TRIOBP: variants seen among roughly 807,000 people sequenced by gnomAD.
TRIOBP encodes the protein TRIO and F-actin-binding protein.
In TRIOBP, 169 loss-of-function variants were observed where a neutral mutation model predicts 238.8. The ratio of observed to expected loss-of-function variants is 0.71; its 90% CI spans 0.62 to 0.80. TRIOBP has a LOEUF of 0.80. TRIOBP is among the 30% of genes least tolerant of loss of function. The pLI, the probability that TRIOBP is intolerant of heterozygous loss-of-function variation, is 0.00. For synonymous variants in TRIOBP, 1,150 were observed against 1,274.4 expected (o/e 0.90, Z 2.08); for missense variants, 2,838 against 3,122.6 (o/e 0.91, Z 2.17).
Position 37,725,785 on chromosome 22 carries a change from C to A in TRIOBP, c.3229C>A (p.Pro1077Thr). Residue 1077 changes from proline (P) to threonine (T), a missense_variant, in exon 7 of 24, where the codon CCC becomes ACC. By Grantham distance (38) the Pro-to-Thr change is conservative (BLOSUM62 -1). Transcript: ENST00000644935. ...HRDAPRASSPPRHTQFDPFPF... is the reference protein window; with the variant it reads ...HRDAPRASSPTRHTQFDPFPF... ...AGATGCCCCCCGGGCGTCCTCGCCC[C>A]CCCGCCACACCCAATTTGACCCCTT... is the stretch of plus-strand genomic sequence containing the variant. 6.2e-7 allele frequency: 1 copy of A among 1,608,066 alleles called. No individual in the cohort carries two copies. Among genetic ancestry groups the A allele is most frequent in the South Asian group, 1.1e-5 (1 of 90,812 alleles).
In TRIOBP at chr22:37,753,278, G is replaced by GC. The variant is rs1007629762; in HGVS notation, c.5379+1450_5379+1451insC. Among the ~76,000 whole-genome samples, 45 of 147,318 alleles carry GC rather than the reference G, an allele frequency of 3.1e-4. No homozygotes were observed. The East Asian group carries it at 6.5e-3, about 21-fold the overall frequency. On this transcript the variant is annotated intron_variant, in intron 12 of 23. Coordinates refer to ENST00000644935, the MANE Select transcript of TRIOBP (RefSeq NM_001039141.3). ...ACTTCTTTTTTTGTTTTTTATTTTT[G>GC]TTTTTTTTTTTCTGAGGCAGAGTTT...
Position 37,734,876 on chromosome 22 carries a change from A to C in TRIOBP, c.4540A>C (p.Ser1514Arg). The C allele has an allele frequency of 6.2e-7, 1 of 1,613,062 alleles. No individual in the cohort carries two copies. Among genetic ancestry groups the C allele is most frequent in the Non-Finnish European group, 8.5e-7 (1 of 1,179,982 alleles). Residue 1514 changes from serine to arginine, a missense_variant, in exon 9 of 24, where the codon AGC becomes CGC. Physicochemically the swap from Ser to Arg is moderately radical, Grantham distance 110. Transcript: ENST00000644935. ...RELGKRSPLT[S>R]PPENWGGPAE... is the part of the protein sequence containing the mutation. ...ACTAGGAAAGAGAAGCCCACTCACG[A>C]GCCCCCCTGAGAACTGGGGAGGCCC...
intron 6 of TRIOBP, among the ~76,000 whole-genome samples, chr22:37,721,715 G>A (rs1053750900): frequency 3.3e-5 from 5 of 151,948 alleles, no homozygotes; most frequent in Admixed American, 2.0e-4. Context: ...TCCTGAGCTC[G>A]AGTGATCCTC....
At chr22:37,768,008 G>C in intron 18 of TRIOBP, 66 bp from the exon 19 acceptor site, 1 of 1,274,518 alleles carries the variant, frequency 7.8e-7, no homozygotes. Context: ...GCGTCTCAGA[G>C]CTGGTGGCAC....
chr22:37,767,715 G>A (rs76574030), intron 18 of TRIOBP, among the ~76,000 whole-genome samples: 3 of 152,106 alleles, frequency 2.0e-5, no homozygotes, highest in Admixed American at 1.3e-4. Context: ...CTGCAGGGGG[G>A]GTGTACTAGG....
At chr22:37,744,594 G>A (rs1338699102) in intron 11 of TRIOBP, among the ~76,000 whole-genome samples, 1 of 152,160 alleles carries the variant, frequency 6.6e-6, no homozygotes, top group African/African-American at 2.4e-5. Context: ...GCTGTTAGGT[G>A]CCCAGGGCAC....
chr22:37,731,615 C>T (rs1924424635), intron 7 of TRIOBP, among the ~76,000 whole-genome samples: 1 of 152,040 alleles, frequency 6.6e-6, no homozygotes, highest in South Asian at 2.1e-4. Flanking sequence ...TGCCACCACG[C>T]CTGGCTAAGT....
chr22:37,735,563 C>T (rs1346308785), intron 9 of TRIOBP, 121 bp downstream of exon 9: 2 of 1,172,632 alleles, frequency 1.7e-6, no homozygotes, highest in East Asian at 2.6e-5. Flanking sequence ...AGGCTCAGAC[C>T]TCAGCCTCCC....
chr22:37,776,435 C>G lies in TRIOBP; in HGVS notation c.*2655C>G, dbSNP rs1372955880. The G allele has an allele frequency of 1.3e-5, 2 of 152,192 alleles. No homozygotes were observed. Among genetic ancestry groups the G allele is most frequent in the Non-Finnish European group, 2.9e-5 (2 of 68,046 alleles). 9.4% of individuals were successfully genotyped at this position (152,192 alleles called of 1,614,324 possible). A position where few individuals can be genotyped will look rare whatever the true frequency, so the allele number is the denominator to read the frequency against. ...GGCCTAGCATTTCCACTCTTGCTTA[C>G]ACATCCAGGAGAAATGAGTCCTTAC... On this transcript the variant is annotated 3_prime_UTR_variant, in exon 24 of 24. Coordinates refer to ENST00000644935, the MANE Select transcript of TRIOBP (RefSeq NM_001039141.3).
intron 12 of TRIOBP, among the ~76,000 whole-genome samples, chr22:37,754,164 CT>C (rs1925781734): frequency 6.6e-6 from 1 of 152,150 alleles, no homozygotes; most frequent in South Asian, 2.1e-4. Context: ...AATCCCAGCA[CT>C]TTGGGAGGCC....
intron 3 of TRIOBP, among the ~76,000 whole-genome samples, chr22:37,708,765 C>T (rs542860295): frequency 2.8e-4 from 42 of 152,276 alleles, no homozygotes; most frequent in African/African-American, 9.6e-4. Context: ...GGTCACCAGC[C>T]GGGAACCGGA....
At chr22:37,755,740 G>GGGCT in intron 15 of TRIOBP, 81 bp downstream of exon 15, 1 of 1,191,762 alleles carries the variant, frequency 8.4e-7, no homozygotes, top group South Asian at 1.2e-5. Flanking sequence ...ACTCACCTGA[G>GGGCT]GGCTGCACCT....
chr22:37,754,799 A>G, intron 12 of TRIOBP, 78 bp from the exon 13 acceptor site: 1 of 1,432,928 alleles, frequency 7.0e-7, no homozygotes, highest in Non-Finnish European at 9.8e-7. Flanking sequence ...TCCTGTGTGC[A>G]GCATAGTGAG....
At position 37,758,029 on chromosome 22, in the gene TRIOBP, A is replaced by T; in HGVS notation, c.6104A>T (p.Lys2035Met). ...EIEKKWQELEKLPLRENKRVP... is the reference protein window; with the variant it reads ...EIEKKWQELEMLPLRENKRVP... ...GAGAAGAAGTGGCAGGAGCTGGAGA[A>T]GCTGCCCCTGCGGGAGAATAAGCGG... The change falls in exon 16 of 24, where the codon AAG (lysine) becomes ATG (methionine). Residue 2035 changes from lysine to methionine, a missense_variant. Lys to Met is a moderately conservative substitution (Grantham distance 95). Coordinates refer to ENST00000644935, the MANE Select transcript of TRIOBP (RefSeq NM_001039141.3). The T allele has an allele frequency of 1.9e-6, 3 of 1,611,294 alleles. No homozygotes were observed. The highest frequency in any genetic ancestry group is 2.5e-6 in the Non-Finnish European group (3 of 1,179,330).
At chr22:37,741,540 G>A (rs1371919847) in intron 11 of TRIOBP, among the ~76,000 whole-genome samples, 1 of 152,172 alleles carries the variant, frequency 6.6e-6, no homozygotes, top group African/African-American at 2.4e-5. Flanking sequence ...CCTCCCACCC[G>A]CTTCACAGCA....
chr22:37,733,429 G>A lies in TRIOBP; in HGVS notation c.4062+17G>A, dbSNP rs368773540. 239 of 1,546,912 alleles carry A rather than the reference G, an allele frequency of 1.5e-4. No homozygotes were observed. Among genetic ancestry groups the A allele is most frequent in the Non-Finnish European group, 2.0e-4 (228 of 1,143,926 alleles). ...AGCAGGCAGGTGAGCACTGCCAGCT[G>A]TCTGGGGCCCCGCACCCCAAGGGGC... On this transcript the variant is annotated intron_variant, in intron 8 of 23. Coordinates refer to ENST00000644935, the MANE Select transcript of TRIOBP (RefSeq NM_001039141.3).
rs534973774 is a variant in TRIOBP, at chr22:37,719,351, G to A, written c.628+3417G>A. ...TCACAGCTCCTGGCCTGGGTGTCTGGGTAGATGGTGTGCCCTTTGCTGAGA... is the reference window on the plus strand; with the variant it reads ...TCACAGCTCCTGGCCTGGGTGTCTGAGTAGATGGTGTGCCCTTTGCTGAGA... On this transcript the variant is annotated intron_variant, in intron 6 of 23. Coordinates refer to ENST00000644935, the MANE Select transcript of TRIOBP (RefSeq NM_001039141.3). Among the ~76,000 whole-genome samples the A allele has an allele frequency of 2.0e-5, 3 of 152,158 alleles. No individual in the cohort carries two copies. In the South Asian group the frequency reaches 6.2e-4, roughly 32 times the overall value.
intron 17 of TRIOBP, 159 bp downstream of exon 17, chr22:37,759,423 G>A: frequency 3.0e-6 from 4 of 1,331,850 alleles, no homozygotes; most frequent in Non-Finnish European, 4.3e-6. Context: ...ACAGCTGGTG[G>A]GCGTGATCAC....
chr22:37,735,259 A>T lies in TRIOBP; in HGVS notation c.4923A>T (p.Gly1641=). Residue 1641 remains glycine, a synonymous_variant, in exon 9 of 24, where the codon GGA becomes GGT. Coordinates refer to ENST00000644935, the MANE Select transcript of TRIOBP (RefSeq NM_001039141.3). The part of the protein sequence containing the change: ...EGWAEATPVN[G]HSPALQSQSP... ...GGGCCGAGGCCACCCCAGTCAATGG[A>T]CACAGCCCCGCACTGCAGTCCCAGA... is the stretch of plus-strand genomic sequence containing the variant. 6.2e-7 allele frequency: 1 copy of T among 1,605,412 alleles called. No individual in the cohort carries two copies. Among genetic ancestry groups the T allele is most frequent in the Non-Finnish European group, 8.5e-7 (1 of 1,173,438 alleles).
Sources: gnomAD v4.1 joint callset for allele counts (sites outside exome capture counted in the v4.1 genomes callset) on GRCh38, gnomAD v4.1.1 for gene constraint, MANE v1.5 for transcripts, NCBI Gene and HGNC (gene_info 2026-07-23, HGNC 2026-07-21) for gene names.